NEGR1: variants seen among roughly 807,000 people sequenced by gnomAD.
NEGR1 encodes IgLON family member 4.
In NEGR1, 10 loss-of-function variants were observed where a neutral mutation model predicts 40.9. That is an observed-to-expected ratio of 0.24 (90% CI 0.15 to 0.42). The LOEUF (loss-of-function observed/expected upper bound fraction) is 0.42. Among genes scored for constraint, NEGR1 ranks in the 10% least tolerant of loss-of-function variants. The pLI is 1.00. For synonymous variants in NEGR1, 185 were observed against 166.8 expected, an observed-to-expected ratio of 1.11 and a Z score of -0.84; for missense variants, 352 against 438.9, an observed-to-expected ratio of 0.80 and a Z score of 1.77.
At position 72,182,837 on chromosome 1, in the gene NEGR1, T is replaced by C. The variant is rs551537776; in HGVS notation, c.176+99482A>G. 7.9e-3 allele frequency among the ~76,000 whole-genome samples: 174 copies of C among 22,002 alleles called. 1 individual carries two copies. Among genetic ancestry groups the C allele is most frequent in the Non-Finnish European group, 0.014 (159 of 10,988 alleles). The allele number at this position is 22,002 out of a possible 152,430, so 14.4% of individuals were successfully genotyped here. A position where few individuals can be genotyped will look rare whatever the true frequency, so the allele number is the denominator to read the frequency against. On this transcript the variant is annotated intron_variant, in intron 1 of 6. Coordinates refer to ENST00000357731, the MANE Select transcript of NEGR1 (RefSeq NM_173808.3). ...ATATGTGTGTGTGTACATATATACA[T>C]ATATAGTTAATAAAAGACCCATCCC...
At chr1:71,601,863 C>T (rs1649930394) in intron 5 of NEGR1, among the ~76,000 whole-genome samples, 1 of 152,128 alleles carries the variant, frequency 6.6e-6, no homozygotes, top group South Asian at 2.1e-4. Flanking sequence ...ACAATGTTCA[C>T]TATTTGGGTG....
At chr1:71,964,337 C>T (rs1430087795) in intron 1 of NEGR1, among the ~76,000 whole-genome samples, 1 of 152,090 alleles carries the variant, frequency 6.6e-6, no homozygotes, top group African/African-American at 2.4e-5. Flanking sequence ...TTAGGGTAGG[C>T]TCAAGAAGGC....
chr1:71,526,874 T>C (rs1204196450), intron 6 of NEGR1, among the ~76,000 whole-genome samples: 1 of 151,502 alleles, frequency 6.6e-6, no homozygotes, highest in African/African-American at 2.4e-5. Context: ...GCCTGTCTAC[T>C]TTCTCAGCCT....
chr1:72,214,771 T>A (rs943756076), intron 1 of NEGR1, among the ~76,000 whole-genome samples: 42 of 151,754 alleles, frequency 2.8e-4, no homozygotes, highest in African/African-American at 9.7e-4. Context: ...ATCATGTAAA[T>A]GGCCATACTG....
At chr1:71,507,298 T>TC (rs1207827243) in intron 6 of NEGR1, among the ~76,000 whole-genome samples, 1 of 152,144 alleles carries the variant, frequency 6.6e-6, no homozygotes, top group East Asian at 1.9e-4. Flanking sequence ...GAAGGAAGAA[T>TC]TAGACAGGAT....
chr1:71,664,020 A>G (rs1324212159), intron 4 of NEGR1, among the ~76,000 whole-genome samples: 3 of 152,216 alleles, frequency 2.0e-5, no homozygotes, highest in East Asian at 1.9e-4. Flanking sequence ...AAATGTCAAA[A>G]TAAGAGTTGG....
chr1:72,154,193 A>G (rs982008240), intron 1 of NEGR1, among the ~76,000 whole-genome samples: 28 of 151,952 alleles, frequency 1.8e-4, no homozygotes, highest in Admixed American at 1.6e-3. Context: ...GGTTTGATGC[A>G]ATGAAGAGGG....
intron 6 of NEGR1, among the ~76,000 whole-genome samples, chr1:71,496,558 A>G (rs1369777759): frequency 8.6e-5 from 13 of 151,014 alleles, no homozygotes; most frequent in Admixed American, 8.0e-4. Context: ...CAGGATTCAT[A>G]TTTCCTTGGG....
intron 1 of NEGR1, among the ~76,000 whole-genome samples, chr1:72,045,300 T>C (rs1001117493): frequency 6.6e-5 from 10 of 151,818 alleles, no homozygotes; most frequent in African/African-American, 2.2e-4. Context: ...AATTGGAAAC[T>C]AGAAACAAAC....
chr1:71,942,461 A>ATATATATATATATATC (rs1557446230), intron 1 of NEGR1, among the ~76,000 whole-genome samples: 1 of 6,988 alleles, frequency 1.4e-4, no homozygotes, highest in African/African-American at 4.4e-4. Flanking sequence ...AAATCTATAT[A>ATATATATATATATATC]TATATATATA....
chr1:71,954,750 A>T (rs1646104972), intron 1 of NEGR1, among the ~76,000 whole-genome samples: 1 of 152,080 alleles, frequency 6.6e-6, no homozygotes, highest in Non-Finnish European at 1.5e-5. Context: ...TTAAAAACAC[A>T]AATCCATATA....
chr1:71,460,497 G>A (rs1646707183), intron 6 of NEGR1, among the ~76,000 whole-genome samples: 1 of 152,176 alleles, frequency 6.6e-6, no homozygotes, highest in Non-Finnish European at 1.5e-5. Flanking sequence ...CTTAATCTCT[G>A]TAAGCCTTGC....
At chr1:71,677,311 T>A (rs1236828493) in intron 4 of NEGR1, among the ~76,000 whole-genome samples, 2 of 152,300 alleles carry the variant, frequency 1.3e-5, no homozygotes, top group Non-Finnish European at 2.9e-5. Context: ...CCAGACAGCA[T>A]TATCTTTACT....
At chr1:71,916,064 AG>A (rs1159507412) in intron 2 of NEGR1, among the ~76,000 whole-genome samples, 2 of 152,126 alleles carry the variant, frequency 1.3e-5, no homozygotes, top group East Asian at 3.9e-4. Context: ...CCAGAGGGTA[AG>A]GGTGGGCAAA....
chr1:71,506,944 G>A (rs1647038709), intron 6 of NEGR1, among the ~76,000 whole-genome samples: 1 of 152,174 alleles, frequency 6.6e-6, no homozygotes, highest in Non-Finnish European at 1.5e-5. Flanking sequence ...AGGCCCTAAA[G>A]CTCCTTGAAG....
rs117258037 is a variant in NEGR1 at position 71,650,067 on chromosome 1, T to C, written c.668-38921A>G. 8.5e-5 allele frequency among the ~76,000 whole-genome samples: 13 copies of C among 152,180 alleles called. No individual in the cohort carries two copies. In the East Asian group the frequency reaches 2.3e-3, roughly 27 times the overall value. ...ATGTGCAACAAGGAGTTGGTAATAATAGAGAATATTTTGTCCCTAAATCTG... is the reference window on the plus strand; with the variant it reads ...ATGTGCAACAAGGAGTTGGTAATAACAGAGAATATTTTGTCCCTAAATCTG... On this transcript the variant is annotated intron_variant, in intron 4 of 6. Coordinates refer to ENST00000357731, the MANE Select transcript of NEGR1 (RefSeq NM_173808.3).
chr1:72,055,283 T>C (rs745561039), intron 1 of NEGR1, among the ~76,000 whole-genome samples: 1 of 151,220 alleles, frequency 6.6e-6, no homozygotes, highest in Non-Finnish European at 1.5e-5. Flanking sequence ...CTTAATGCCA[T>C]AGGCCTGTCC....
chr1:71,593,135 G>T (rs1343569593), intron 5 of NEGR1, among the ~76,000 whole-genome samples, 167 bp from the exon 6 acceptor site: 1 of 152,094 alleles, frequency 6.6e-6, no homozygotes, highest in Non-Finnish European at 1.5e-5. Flanking sequence ...TAGTAGATTT[G>T]GGGGAGGTGA....
intron 1 of NEGR1, among the ~76,000 whole-genome samples, chr1:72,245,587 A>T (rs1654876145): frequency 1.3e-5 from 2 of 152,190 alleles, no homozygotes; most frequent in African/African-American, 4.8e-5. Context: ...ACATCATTTC[A>T]AACTAATATA....
Sources: gnomAD v4.1 joint callset for allele counts (sites outside exome capture counted in the v4.1 genomes callset) on GRCh38, gnomAD v4.1.1 for gene constraint, MANE v1.5 for transcripts, NCBI Gene and HGNC (gene_info 2026-07-23, HGNC 2026-07-21) for gene names.